THADA: variants seen among roughly 807,000 people sequenced by gnomAD.
THADA encodes THADA armadillo repeat containing, also known as tRNA (32-2'-O)-methyltransferase regulator THADA.
A neutral mutation model predicts 219.8 loss-of-function variants in THADA; 213 were observed. That is an observed-to-expected ratio of 0.97 (90% CI 0.87 to 1.09). THADA has a LOEUF of 1.09. Ranked by LOEUF, THADA falls within the 50% of genes least tolerant of loss-of-function variation. THADA has a pLI of 0.00. For synonymous variants in THADA, 1,018 were observed against 828.9 expected (o/e 1.23, Z -3.92); for missense variants, 2,956 against 2,311.3 (o/e 1.28, Z -5.72).
chr2:43,420,342 A>G (rs1485242328), intron 28 of THADA, among the ~76,000 whole-genome samples: 1 of 152,230 alleles, frequency 6.6e-6, no homozygotes, highest in African/African-American at 2.4e-5. Flanking sequence ...AAGCATAAAG[A>G]CATTTTTCTT....
chr2:43,253,164 T>C (rs899886474), intron 36 of THADA, among the ~76,000 whole-genome samples: 12 of 151,058 alleles, frequency 7.9e-5, no homozygotes, highest in Admixed American at 2.0e-4. Context: ...GGCAGGGGAG[T>C]GATGTAAATA....
At chr2:43,426,155 T>C (rs965068818) in intron 28 of THADA, among the ~76,000 whole-genome samples, 1 of 152,218 alleles carries the variant, frequency 6.6e-6, no homozygotes, top group Admixed American at 6.5e-5. Flanking sequence ...ATTAATGCAA[T>C]CTTTGTTTTA....
At chr2:43,272,729 A>T (rs1270109770) in intron 36 of THADA, among the ~76,000 whole-genome samples, 1 of 148,400 alleles carries the variant, frequency 6.7e-6, no homozygotes, top group Non-Finnish European at 1.5e-5. Flanking sequence ...GGCTCAAGTG[A>T]TCCTCCCACC....
chr2:43,410,870 C>G (rs1248994014), intron 28 of THADA, among the ~76,000 whole-genome samples: 1 of 151,952 alleles, frequency 6.6e-6, no homozygotes, highest in Non-Finnish European at 1.5e-5. Flanking sequence ...TCAATTGTAC[C>G]CCAATAAAGT....
intron 22 of THADA, 51 bp downstream of exon 22, chr2:43,527,828 C>T (rs1693353403): frequency 4.6e-6 from 6 of 1,295,586 alleles, no homozygotes; most frequent in South Asian, 1.2e-5. Flanking sequence ...CAAGCATATG[C>T]TTTGTATATT....
chr2:43,487,718 G>A (rs1244915341), intron 25 of THADA, among the ~76,000 whole-genome samples: 1 of 152,134 alleles, frequency 6.6e-6, no homozygotes, highest in East Asian at 1.9e-4. Flanking sequence ...AGGCCCCAGT[G>A]AGCTGCCTCA....
intron 36 of THADA, among the ~76,000 whole-genome samples, chr2:43,248,176 G>T (rs1421017682): frequency 8.0e-3 from 603 of 75,454 alleles, no homozygotes; most frequent in African/African-American, 0.011. Flanking sequence ...GAGAGAGAGA[G>T]AGAGAGAGAG....
intron 21 of THADA, among the ~76,000 whole-genome samples, chr2:43,531,295 T>A (rs1020660875): frequency 1.3e-5 from 2 of 152,210 alleles, no homozygotes; most frequent in Non-Finnish European, 2.9e-5. Flanking sequence ...GTAATTAACA[T>A]GAGAAGAGGC....
rs34512555 is a variant in THADA at position 43,566,824 on chromosome 2, T to TAAA, written c.2188-6_2188-4dup. The TAAA allele has an allele frequency of 0.024, 29,150 of 1,193,636 alleles. 15 individuals carry two copies. The highest frequency in any genetic ancestry group is 0.036 in the African/African-American group (2,174 of 60,900). 73.9% of individuals were successfully genotyped at this position (1,193,636 alleles called of 1,614,324 possible). A position where few individuals can be genotyped will look rare whatever the true frequency, so the allele number is the denominator to read the frequency against. On this transcript the variant is annotated splice_region_variant and splice_polypyrimidine_tract_variant and intron_variant, in intron 14 of 37. Coordinates refer to ENST00000405975, the MANE Select transcript of THADA (RefSeq NM_022065.5). Reference sequence around the variant, plus strand: ...TTACAAATGGATGACATGAAATTCTTAAAAAAAAAAAAAAAATTACAGTAA... The same window carrying TAAA: ...TTACAAATGGATGACATGAAATTCTTAAAAAAAAAAAAAAAAAAATTACAGTAA...
At chr2:43,426,714 A>T (rs538989872) in intron 28 of THADA, among the ~76,000 whole-genome samples, 2 of 152,216 alleles carry the variant, frequency 1.3e-5, no homozygotes. Context: ...ATTAAAATGC[A>T]TAAGTCAGCT....
chr2:43,512,241 G>C (rs959040703), intron 22 of THADA, among the ~76,000 whole-genome samples: 2 of 152,046 alleles, frequency 1.3e-5, no homozygotes, highest in African/African-American at 4.8e-5. Context: ...TTCTTATTCT[G>C]CTCTGGAATT....
chr2:43,333,400 G>A (rs1318684638), intron 30 of THADA: 4 of 151,632 alleles, frequency 2.6e-5, no homozygotes, highest in African/African-American at 9.7e-5. Flanking sequence ...GGGTCCTAAT[G>A]AGAACCTCTC....
At chr2:43,410,224 G>A (rs1676112643) in intron 28 of THADA, among the ~76,000 whole-genome samples, 1 of 152,162 alleles carries the variant, frequency 6.6e-6, no homozygotes, top group Non-Finnish European at 1.5e-5. Context: ...AAAGGCTAAA[G>A]TTAAAAAGAC....
chr2:43,248,156 TATATATATAGAGAGAGAGAGAG>T (rs1456757595), intron 36 of THADA, among the ~76,000 whole-genome samples: 1,017 of 75,720 alleles, frequency 0.013, 5 homozygotes, highest in African/African-American at 0.052. Flanking sequence ...TATATATATA[TATATATATAGAGAGAGAGAGAG>T]AGAGAGAGAG....
At chr2:43,366,793 G>A (rs1350193915) in intron 29 of THADA, among the ~76,000 whole-genome samples, 1 of 152,118 alleles carries the variant, frequency 6.6e-6, no homozygotes, top group African/African-American at 2.4e-5. Context: ...ATATCCCAAA[G>A]AATTGAAAGT....
At chr2:43,282,386 T>A (rs566276452) in intron 35 of THADA, among the ~76,000 whole-genome samples, 1 of 152,208 alleles carries the variant, frequency 6.6e-6, no homozygotes. Flanking sequence ...CCCAGAGAGA[T>A]ACAGGGACAG....
chr2:43,582,781 C>G (rs1431847554), intron 7 of THADA, among the ~76,000 whole-genome samples: 1 of 151,848 alleles, frequency 6.6e-6, no homozygotes, highest in East Asian at 2.0e-4. Flanking sequence ...GTTGGCCAGG[C>G]TGGTCTCAAA....
chr2:43,577,095 T>A lies in THADA; in HGVS notation c.964A>T (p.Asn322Tyr), dbSNP rs1699934795. ...TCCCCACTCCGACCCATGCTTCCGT[T>A]CTGCCAGTCCAACATGGCAAGTGTC... ...QGTLAMLDWQ[N>Y]GSMGRSGEAL... Residue 322 changes from asparagine (N) to tyrosine (Y), a missense_variant, in exon 10 of 38, where the codon AAC becomes TAC. Coordinates refer to ENST00000405975, the MANE Select transcript of THADA (RefSeq NM_022065.5). The A allele has an allele frequency of 6.2e-7, 1 of 1,613,436 alleles. No homozygotes were observed. The highest frequency in any genetic ancestry group is 2.2e-5 in the East Asian group (1 of 44,882).
At chr2:43,489,349 C>G (rs1193227907) in intron 25 of THADA, among the ~76,000 whole-genome samples, 1 of 152,064 alleles carries the variant, frequency 6.6e-6, no homozygotes, top group Non-Finnish European at 1.5e-5. Context: ...CCCAGCCAGA[C>G]ATTTTTAATT....
Sources: gnomAD v4.1 joint callset for allele counts (sites outside exome capture counted in the v4.1 genomes callset) on GRCh38, gnomAD v4.1.1 for gene constraint, MANE v1.5 for transcripts, NCBI Gene and HGNC (gene_info 2026-07-23, HGNC 2026-07-21) for gene names.